The following MUC5B variants were observed in gnomAD, a reference collection of about 807,000 sequenced individuals.
The protein encoded by MUC5B is mucin-5B.
In MUC5B, 116 loss-of-function variants were observed where a neutral mutation model predicts 376.9. That is an observed-to-expected ratio of 0.31 (90% confidence interval 0.26 to 0.36). The LOEUF is 0.36. Ranked by LOEUF, MUC5B falls within the 10% of genes least tolerant of loss-of-function variation. The probability of loss-of-function intolerance (pLI) is 1.00; values close to 1 mark genes in which losing one functional copy is unlikely to be tolerated. For missense variants in MUC5B, 7,165 were observed against 7,769.9 expected (o/e 0.92, Z 2.93); for synonymous variants, 3,517 against 3,390.9 (o/e 1.04, Z -1.29).
intron 1 of MUC5B, 112 bp downstream of exon 1, chr11:1,223,305 A>G (rs372955876): frequency 4.5e-5 from 31 of 694,740 alleles, no homozygotes; most frequent in East Asian, 1.6e-4. Flanking sequence ...TCCCCCTACG[A>G]CTCCCTGAGT....
chr11:1,248,928 G>A lies in MUC5B; in HGVS notation c.12048G>A (p.Leu4016=). The A allele has an allele frequency of 6.3e-7, 1 of 1,588,014 alleles. No individual in the cohort carries two copies. The part of the protein sequence containing the change: ...NTTATTHGRS[L]SPSSPHTVRT... ...CGGCCACCACACACGGGCGATCCCT[G>A]TCCCCCAGCAGTCCCCACACGGTGC... Residue 4016 remains leucine, a synonymous_variant, in exon 31 of 49, where the codon CTG becomes CTA. Transcript: ENST00000529681.
intron 36 of MUC5B, 52 bp from the exon 37 acceptor site, chr11:1,255,331 A>C (rs1340669349): frequency 3.6e-6 from 5 of 1,376,692 alleles, no homozygotes; most frequent in Non-Finnish European, 4.9e-6. Flanking sequence ...GCACGCACGC[A>C]CGCAGCTCCC....
intron 48 of MUC5B, 49 bp from the exon 49 acceptor site, chr11:1,261,340 A>T (rs1862989759): frequency 3.3e-6 from 5 of 1,500,940 alleles, no homozygotes; most frequent in Non-Finnish European, 4.5e-6. Flanking sequence ...CTGGGCAGAG[A>T]AACGGCGGGG....
chr11:1,260,995 G>C (rs1401004689), intron 48 of MUC5B, among the ~76,000 whole-genome samples: 1 of 152,256 alleles, frequency 6.6e-6, no homozygotes, highest in Non-Finnish European at 1.5e-5. Context: ...TGTCCCCCTG[G>C]GGAGGGTGGG....
chr11:1,246,675 C>T lies in MUC5B; in HGVS notation c.9795C>T (p.Ala3265=). 1.2e-6 allele frequency: 2 copies of T among 1,610,948 alleles called. No individual in the cohort carries two copies. The highest frequency in any genetic ancestry group is 4.5e-5 in the East Asian group (2 of 44,802). ...CACCCACGGCCACCATGTCCACAGCCACACCCTCCTCTACTCCAGAGACTG... is the reference window on the plus strand; with the variant it reads ...CACCCACGGCCACCATGTCCACAGCTACACCCTCCTCTACTCCAGAGACTG... ...TTTPTATMST[A]TPSSTPETVH... is the part of the protein sequence containing the mutation. The change falls in exon 31 of 49, where the codon GCC becomes GCT. Residue 3265 remains alanine, a synonymous_variant. Coordinates refer to ENST00000529681, the MANE Select transcript of MUC5B (RefSeq NM_002458.3).
In MUC5B at chr11:1,242,610, G is replaced by T. The variant is rs768284204; in HGVS notation, c.5730G>T (p.Pro1910=). The T allele has an allele frequency of 6.2e-7, 1 of 1,613,242 alleles. No homozygotes were observed. The highest frequency in any genetic ancestry group is 8.5e-7 in the Non-Finnish European group (1 of 1,179,692). ...GGACGACCTGGATCCTCACAAAGCC[G>T]ACCACAACAGCCACTACGACTGCGT... ...TPGTTWILTK[P]TTTATTTAST... is the part of the protein sequence containing the mutation. Residue 1910 remains proline (P), a synonymous_variant, in exon 31 of 49, where the codon CCG becomes CCT. Transcript: ENST00000529681.
Position 1,253,103 on chromosome 11 carries a change from T to C in MUC5B, c.15217+123T>C, listed in dbSNP as rs1429299162. On this transcript the variant is annotated intron_variant, in intron 33 of 48. Coordinates refer to ENST00000529681, the MANE Select transcript of MUC5B (RefSeq NM_002458.3). The surrounding 1 kb of genome is among the most constrained non-coding windows in gnomAD (Gnocchi z 4.3). ...GGGTGCAGTGGGGAATGGTGGGGCA[T>C]GGTGGGGCATGGTGGGGTGCAGTGG... 6.7e-6 allele frequency: 3 copies of C among 444,760 alleles called. No individual in the cohort carries two copies. Among genetic ancestry groups the C allele is most frequent in the Non-Finnish European group, 9.7e-6 (3 of 308,990 alleles). 27.6% of individuals were successfully genotyped at this position (444,760 alleles called of 1,614,324 possible). A position where few individuals can be genotyped will look rare whatever the true frequency, so the allele number is the denominator to read the frequency against.
chr11:1,244,830 C>T lies in MUC5B; in HGVS notation c.7950C>T (p.Ser2650=), dbSNP rs1332754138. 1 of 1,613,742 alleles carries T rather than the reference C, an allele frequency of 6.2e-7. No homozygotes were observed. The highest frequency in any genetic ancestry group is 1.1e-5 in the South Asian group (1 of 91,068). ...PTTRGSTVTP[S]SIPGTTHTPT... ...CCAGAGGTTCCACGGTGACCCCCTC[C>T]TCCATCCCGGGGACCACCCACACCC... Residue 2650 remains serine, a synonymous_variant, in exon 31 of 49, where the codon TCC becomes TCT. Transcript: ENST00000529681.
In MUC5B at chr11:1,234,077, G is replaced by A. The variant is rs1310346486; in HGVS notation, c.2378-128G>A. ...GGGTGTCCTGGGGTTGGGGGCTGCA[G>A]GTGTCATGGAAGCTTTGGCTCGGGG... is the stretch of plus-strand genomic sequence containing the variant. On this transcript the variant is annotated intron_variant, in intron 19 of 48. Coordinates refer to ENST00000529681, the MANE Select transcript of MUC5B (RefSeq NM_002458.3). This position sits in a 1 kb window ranked among gnomAD's most constrained non-coding sequence, Gnocchi z 6.3. The A allele has an allele frequency of 5.9e-6, 5 of 849,874 alleles. No individual in the cohort carries two copies. Among genetic ancestry groups the A allele is most frequent in the Non-Finnish European group, 5.7e-6 (3 of 526,704 alleles). The allele number at this position is 849,874 out of a possible 1,614,324, so 52.6% of individuals were successfully genotyped here.
Position 1,232,164 on chromosome 11 carries a change from C to A in MUC5B, c.1843+4C>A, listed in dbSNP as rs1414683821. The A allele has an allele frequency of 6.3e-7, 1 of 1,589,796 alleles. No homozygotes were observed. The highest frequency in any genetic ancestry group is 8.6e-7 in the Non-Finnish European group (1 of 1,166,514). ...TGCTCCCTCAGTGTGGAGAATGGTACTCCTCGCCCCCACCCCCACAGTCAC... is the reference window on the plus strand; with the variant it reads ...TGCTCCCTCAGTGTGGAGAATGGTAATCCTCGCCCCCACCCCCACAGTCAC... On this transcript the variant is annotated splice_donor_region_variant and intron_variant, in intron 15 of 48. Transcript: ENST00000529681.
At position 1,237,092 on chromosome 11, in the gene MUC5B, C is replaced by G. The variant is rs1862176740; in HGVS notation, c.3225C>G (p.Pro1075=). Residue 1075 remains proline, a synonymous_variant, in exon 25 of 49, where the codon CCC becomes CCG. Coordinates refer to ENST00000529681, the MANE Select transcript of MUC5B (RefSeq NM_002458.3). ...LAPKDPCTAN[P]FRKSWAQKQC... ...CCAAGGACCCCTGCACGGCCAACCC[C>G]TTCCGCAAGTCCTGGGCCCAGAAGC... The G allele has an allele frequency of 2.6e-6, 4 of 1,556,318 alleles. No homozygotes were observed. Among genetic ancestry groups the G allele is most frequent in the Non-Finnish European group, 3.5e-6 (4 of 1,148,946 alleles).
intron 14 of MUC5B, 22 bp from the exon 15 acceptor site, chr11:1,231,974 A>G (rs1323671548): frequency 6.2e-7 from 1 of 1,612,148 alleles, no homozygotes; most frequent in Non-Finnish European, 8.5e-7. Flanking sequence ...GGCCGCTGAC[A>G]TCCCCCAACC....
At position 1,236,993 on chromosome 11, in the gene MUC5B, G is replaced by C; in HGVS notation, c.3126G>C (p.Arg1042=). ...TCAATGACTTTGCCACGCGTAGCCG[G>C]TCCGTGGTGGGGGACGCACTGGAGT... The part of the protein sequence containing the change: ...NAINDFATRS[R]SVVGDALEFG... Residue 1042 remains arginine (R), a synonymous_variant, in exon 25 of 49, where the codon CGG becomes CGC. Coordinates refer to ENST00000529681, the MANE Select transcript of MUC5B (RefSeq NM_002458.3). The C allele has an allele frequency of 6.4e-7, 1 of 1,571,776 alleles. No individual in the cohort carries two copies. The highest frequency in any genetic ancestry group is 8.6e-7 in the Non-Finnish European group (1 of 1,157,758).
rs2860626 is a variant in MUC5B, at chr11:1,249,257, C to A, written c.12377C>A (p.Thr4126Lys). 9.4e-6 allele frequency: 15 copies of A among 1,603,496 alleles called. No individual in the cohort carries two copies. The highest frequency in any genetic ancestry group is 2.7e-5 in the African/African-American group (2 of 74,270). ...TSAPITTVVT[T>K]GCEPQCAWSE... ...GCCCCCATAACCACGGTGGTGACCA[C>A]GGGCTGTGAGCCCCAGTGTGCCTGG... The change falls in exon 31 of 49, where the codon ACG becomes AAG. Residue 4126 changes from threonine (T) to lysine (K), a missense_variant. Thr to Lys is a moderately conservative substitution (Grantham distance 78). Transcript: ENST00000529681.
rs368746466 is a variant in MUC5B, at chr11:1,243,607, G to A, written c.6727G>A (p.Gly2243Ser). ...TTCCCACACCCTAGCAGCAACCACC[G>A]GTACCACCCAGCACTCGACTCCAGC... The part of the protein sequence containing the change: ...VTSHTLAATT[G>S]TTQHSTPALS... The change falls in exon 31 of 49, where the codon GGT becomes AGT. Residue 2243 changes from glycine (G) to serine (S), a missense_variant. Around this residue, in one of 31 missense-constraint regions of MUC5B, gnomAD observed 67 missense variants for 103.0 expected, o/e 0.65. Transcript: ENST00000529681. The A allele has an allele frequency of 2.3e-4, 373 of 1,609,594 alleles. No individual in the cohort carries two copies. The highest frequency in any genetic ancestry group is 4.5e-4 in the Middle Eastern group (2 of 4,448).
Position 1,251,158 on chromosome 11 carries a change from A to T in MUC5B, c.14278A>T (p.Thr4760Ser), listed in dbSNP as rs377199375. The T allele has an allele frequency of 1.2e-5, 20 of 1,610,896 alleles. No homozygotes were observed. Among genetic ancestry groups the T allele is most frequent in the Admixed American group, 1.7e-5 (1 of 59,928 alleles). The change falls in exon 31 of 49, where the codon ACC (threonine) becomes TCC (serine). Residue 4760 changes from threonine to serine, a missense_variant. By Grantham distance (58) the Thr-to-Ser change is moderately conservative. Around this residue, in one of 31 missense-constraint regions of MUC5B, gnomAD observed 730 missense variants for 592.7 expected, o/e 1.23. Coordinates refer to ENST00000529681, the MANE Select transcript of MUC5B (RefSeq NM_002458.3). ...FTPIPSSTLW[T>S]TWTVPAQTTT... ...ACCCATCCCCTCCTCCACCCTGTGG[A>T]CCACGTGGACCGTCCCAGCACAGAC...
intron 16 of MUC5B, 49 bp from the exon 17 acceptor site, chr11:1,232,595 C>G: frequency 6.2e-7 from 1 of 1,600,970 alleles, no homozygotes; most frequent in Non-Finnish European, 8.5e-7. Flanking sequence ...GGTGGGGGAG[C>G]CCTGGCAGGC....
At chr11:1,236,252 T>C in intron 23 of MUC5B, 134 bp from the exon 24 acceptor site, 1 of 800,860 alleles carries the variant, frequency 1.2e-6, no homozygotes, top group Non-Finnish European at 1.9e-6. Context: ...CGGACCCAGC[T>C]CACCCCTAAC....
At position 1,233,061 on chromosome 11, in the gene MUC5B, T is replaced by C. The variant is rs1218639622; in HGVS notation, c.2114T>C (p.Val705Ala). Reference protein sequence around the residue: ...CPKSQRYAYVVDACQPTCRGL... With the variant: ...CPKSQRYAYVADACQPTCRGL... The stretch of plus-strand genomic sequence containing the variant: ...AAGTCCCAGCGCTACGCCTACGTGG[T>C]GGATGCCTGCCAGCCCACTTGCCGC... Residue 705 changes from valine to alanine, a missense_variant, in exon 18 of 49, where the codon GTG (valine) becomes GCG (alanine). By Grantham distance (64) the Val-to-Ala change is moderately conservative. Around this residue, in one of 31 missense-constraint regions of MUC5B, gnomAD observed 530 missense variants for 604.0 expected, o/e 0.88. Transcript: ENST00000529681. 1.2e-6 allele frequency: 2 copies of C among 1,605,398 alleles called. No individual in the cohort carries two copies. The highest frequency in any genetic ancestry group is 1.7e-5 in the Admixed American group (1 of 59,618).
Sources: allele counts gnomAD v4.1 joint callset (sites outside exome capture counted in the v4.1 genomes callset), GRCh38; gene constraint gnomAD v4.1.1; regional missense constraint gnomAD v4.1.1; non-coding constraint Gnocchi (gnomAD v3.1); transcripts MANE v1.5; gene names NCBI Gene and HGNC (gene_info 2026-07-23, HGNC 2026-07-21).